Variants in HORMAD2 observed in about 807,000 individuals in gnomAD.
HORMAD2 encodes HORMA domain containing 2, also known as HORMA domain-containing protein 2.
A neutral mutation model predicts 38.8 loss-of-function variants in HORMAD2; 45 were observed. The observed-to-expected ratio is 1.16, with a 90% CI of 0.91 to 1.49. The LOEUF (loss-of-function observed/expected upper bound fraction) is 1.49. Ranked by LOEUF, HORMAD2 falls within the 40% of genes most tolerant of loss-of-function variation. The probability of loss-of-function intolerance (pLI) is 0.00; values close to 1 mark genes in which losing one functional copy is unlikely to be tolerated. For missense variants in HORMAD2, 338 were observed against 367.0 expected (o/e 0.92, Z 0.65); for synonymous variants, 126 against 122.8 (o/e 1.03, Z -0.17).
At chr22:30,127,043 C>CT (rs780256481) in intron 10 of HORMAD2, among the ~76,000 whole-genome samples, 1 of 151,936 alleles carries the variant, frequency 6.6e-6, no homozygotes, top group Non-Finnish European at 1.5e-5. Flanking sequence ...CCTACCCTGC[C>CT]TTTTTTTCTC....
chr22:30,134,409 A>T (rs927157992), intron 10 of HORMAD2, among the ~76,000 whole-genome samples: 2 of 147,626 alleles, frequency 1.4e-5, no homozygotes, highest in Non-Finnish European at 3.0e-5. Flanking sequence ...AATCATAAAT[A>T]TATATATTTA....
intron 2 of HORMAD2, among the ~76,000 whole-genome samples, chr22:30,097,825 T>C (rs1403537428): frequency 1.3e-5 from 2 of 152,184 alleles, no homozygotes; most frequent in Non-Finnish European, 2.9e-5. Context: ...ACAGGTTGAA[T>C]GAAAGAATCG....
rs1215176158 is a variant in HORMAD2 at position 30,122,001 on chromosome 22, A to C, written c.606A>C (p.Glu202Asp). 27 of 1,612,326 alleles carry C rather than the reference A, an allele frequency of 1.7e-5. No individual in the cohort carries two copies. The highest frequency in any genetic ancestry group is 2.3e-5 in the Non-Finnish European group (27 of 1,179,182). Residue 202 changes from glutamate to aspartate, a missense_variant, in exon 10 of 11, where the codon GAA becomes GAC. Transcript: ENST00000336726. The stretch of plus-strand genomic sequence containing the variant: ...ATTACCAACCCCTCGGTTTTAAAGA[A>C]GGGGTAAATTCACACTTCCTGCTGT... ...PHDYQPLGFKEGVNSHFLLFD... is the reference protein window; with the variant it reads ...PHDYQPLGFKDGVNSHFLLFD...
intron 5 of HORMAD2, 104 bp from the exon 6 acceptor site, chr22:30,111,692 C>A: frequency 1.1e-6 from 1 of 944,364 alleles, no homozygotes; most frequent in Non-Finnish European, 1.6e-6. Flanking sequence ...CTACCCAAAT[C>A]TTTCGAACCT....
downstream of HORMAD2, among the ~76,000 whole-genome samples, chr22:30,182,038 C>T (rs190157733): frequency 5.3e-5 from 8 of 152,330 alleles, no homozygotes; most frequent in Non-Finnish European, 1.2e-4. Context: ...AGCAAAGGAA[C>T]ATTTTATCAA....
At chr22:30,129,239 AAAAAAAAAAAAAAAAAAG>A (rs1349604755) in intron 10 of HORMAD2, among the ~76,000 whole-genome samples, 6,104 of 72,554 alleles carry the variant, frequency 0.084, 477 homozygotes, top group Middle Eastern at 0.17. Flanking sequence ...AAAAAAAAAA[AAAAAAAAAAAAAAAAAAG>A]AGAGAGAGAG....
the HORMAD2 span, among the ~76,000 whole-genome samples, chr22:30,188,353 A>C: frequency 6.6e-6 from 1 of 152,192 alleles, no homozygotes; most frequent in Non-Finnish European, 1.5e-5. Flanking sequence ...AAAAACAGAA[A>C]ACAGTATTCA....
intron 10 of HORMAD2, among the ~76,000 whole-genome samples, chr22:30,128,962 C>T (rs1923069254): frequency 6.6e-6 from 1 of 152,088 alleles, no homozygotes; most frequent in South Asian, 2.1e-4. Context: ...CGCCTGTAAC[C>T]CCAGCACTTT....
chr22:30,083,259 C>T (rs923091474), intron 1 of HORMAD2, among the ~76,000 whole-genome samples: 2 of 152,132 alleles, frequency 1.3e-5, no homozygotes, highest in Admixed American at 6.5e-5. Context: ...CAGAGTAAGA[C>T]CTTGTCTCAA....
In HORMAD2 at chr22:30,091,911, C is replaced by T. The variant is rs550183839; in HGVS notation, c.-37-2005C>T. ...TCATTTTTTGAGATGGAGTCTTGCT[C>T]TGTTGCCCAGGCTGGAGTGCAGTGA... On this transcript the variant is annotated intron_variant, in intron 1 of 10. Coordinates refer to ENST00000336726, the MANE Select transcript of HORMAD2 (RefSeq NM_152510.4). Among the ~76,000 whole-genome samples the T allele has an allele frequency of 1.3e-3, 194 of 151,942 alleles. 1 individual carries two copies. The highest frequency in any genetic ancestry group is 4.6e-3 in the African/African-American group (190 of 41,404).
At chr22:30,121,310 A>G (rs1305315772) in intron 8 of HORMAD2, among the ~76,000 whole-genome samples, 1 of 152,220 alleles carries the variant, frequency 6.6e-6, no homozygotes, top group Non-Finnish European at 1.5e-5. Context: ...TCATTCAGCT[A>G]GTTATCAGCA....
chr22:30,104,304 T>A (rs1601520442), intron 4 of HORMAD2, 97 bp from the exon 5 acceptor site: 1 of 883,470 alleles, frequency 1.1e-6, no homozygotes, highest in South Asian at 1.4e-5. Context: ...ATCAACTTAA[T>A]GTACATCAAA....
intron 10 of HORMAD2, among the ~76,000 whole-genome samples, chr22:30,147,562 G>A (rs1384699223): frequency 2.0e-5 from 3 of 151,904 alleles, no homozygotes; most frequent in African/African-American, 4.8e-5. Context: ...CTTCTTAGGC[G>A]GTTCCCTAAA....
intron 10 of HORMAD2, among the ~76,000 whole-genome samples, chr22:30,133,252 C>T (rs1923410206): frequency 6.6e-6 from 1 of 151,974 alleles, no homozygotes; most frequent in Non-Finnish European, 1.5e-5. Context: ...GCTAAATTGT[C>T]TGTTGGTACA....
intron 7 of HORMAD2, among the ~76,000 whole-genome samples, chr22:30,117,164 T>A (rs1448318885): frequency 6.6e-6 from 1 of 152,230 alleles, no homozygotes; most frequent in Non-Finnish European, 1.5e-5. Context: ...TCACCTGTAA[T>A]TAAGTTTCAT....
chr22:30,128,942 C>T lies in HORMAD2; in HGVS notation c.819+6728C>T, dbSNP rs117141318. Among the ~76,000 whole-genome samples the T allele has an allele frequency of 3.3e-3, 504 of 152,138 alleles. 20 individuals are homozygous for T. The South Asian group carries it at 0.046, about 14-fold the overall frequency. On this transcript the variant is annotated intron_variant, in intron 10 of 10. Transcript: ENST00000336726. The stretch of plus-strand genomic sequence containing the variant: ...AAGAGAATAATGCCCTGGCCGGGCG[C>T]GGTGGCTCACGCCTGTAACCCCAGC...
chr22:30,084,527 A>G (rs1418299671), intron 1 of HORMAD2, among the ~76,000 whole-genome samples: 1 of 152,034 alleles, frequency 6.6e-6, no homozygotes, highest in Non-Finnish European at 1.5e-5. Flanking sequence ...AGTTTCTTCT[A>G]CCTTTAAAAT....
chr22:30,121,679 T>C lies in HORMAD2; in HGVS notation c.458T>C (p.Ile153Thr), dbSNP rs745461264. 2 of 1,606,286 alleles carry C rather than the reference T, an allele frequency of 1.2e-6. No homozygotes were observed. Among genetic ancestry groups the C allele is most frequent in the East Asian group, 4.5e-5 (2 of 44,730 alleles). The stretch of plus-strand genomic sequence containing the variant: ...GAAAGTGGAACAAACAATGAAGATA[T>C]TAAGAAAGCCAGTGTTCTACTGATC... Reference protein sequence around the residue: ...SFESGTNNEDIKKASVLLIRK... With the variant: ...SFESGTNNEDTKKASVLLIRK... Residue 153 changes from isoleucine to threonine, a missense_variant, in exon 9 of 11, where the codon ATT (isoleucine) becomes ACT (threonine). Transcript: ENST00000336726.
intron 10 of HORMAD2, among the ~76,000 whole-genome samples, chr22:30,158,713 T>C (rs932135788): frequency 2.0e-5 from 3 of 149,738 alleles, no homozygotes; most frequent in African/African-American, 7.4e-5. Context: ...TTCCAGGGTC[T>C]TGCTCTGTCA....
Sources: gnomAD v4.1 joint callset for allele counts (sites outside exome capture counted in the v4.1 genomes callset) on GRCh38, gnomAD v4.1.1 for gene constraint, MANE v1.5 for transcripts, NCBI Gene and HGNC (gene_info 2026-07-23, HGNC 2026-07-21) for gene names.